BMPER: variants seen among roughly 807,000 people sequenced by gnomAD.
The protein encoded by BMPER is BMP-binding endothelial regulator protein.
Under a neutral mutation model 87.3 loss-of-function variants are expected in BMPER, and 45 were observed. The ratio of observed to expected loss-of-function variants is 0.52; its 90% confidence interval spans 0.41 to 0.66. The LOEUF (loss-of-function observed/expected upper bound fraction) is 0.66. Ranked by LOEUF, BMPER falls within the 30% of genes least tolerant of loss-of-function variation. The probability of loss-of-function intolerance (pLI) is 0.00; values close to 1 mark genes in which losing one functional copy is unlikely to be tolerated. For synonymous variants in BMPER, 326 were observed against 316.2 expected, an observed-to-expected ratio of 1.03 and a Z score of -0.33; for missense variants, 784 against 867.5, an observed-to-expected ratio of 0.90 and a Z score of 1.21.
At chr7:33,990,932 A>G (rs1364080444) in intron 6 of BMPER, among the ~76,000 whole-genome samples, 1 of 121,570 alleles carries the variant, frequency 8.2e-6, no homozygotes, top group African/African-American at 3.2e-5. Flanking sequence ...TGATTTGCAT[A>G]TATTGAACCA....
intron 2 of BMPER, 94 bp from the exon 3 acceptor site, chr7:33,937,195 A>G: frequency 1.5e-6 from 2 of 1,326,600 alleles, no homozygotes; most frequent in East Asian, 2.3e-5. Flanking sequence ...AAGGCCAGAT[A>G]AGAGTGGGGC....
intron 11 of BMPER, among the ~76,000 whole-genome samples, chr7:34,078,590 CA>C: frequency 1.3e-5 from 2 of 152,258 alleles, no homozygotes; most frequent in South Asian, 4.1e-4. Flanking sequence ...ACGTTAAGAT[CA>C]TGGAAGCATA....
At chr7:34,018,625 G>A (rs553344080) in intron 6 of BMPER, among the ~76,000 whole-genome samples, 1 of 151,864 alleles carries the variant, frequency 6.6e-6, no homozygotes, top group Non-Finnish European at 1.5e-5. Context: ...CTTGGTGAAT[G>A]CTTCGAGTTT....
In BMPER at chr7:34,058,082, C is replaced by T; in HGVS notation, c.951C>T (p.Ile317=). 6.2e-7 allele frequency: 1 copy of T among 1,614,098 alleles called. No homozygotes were observed. Among genetic ancestry groups the T allele is most frequent in the Non-Finnish European group, 8.5e-7 (1 of 1,179,992 alleles). Residue 317 remains isoleucine, a synonymous_variant, in exon 10 of 15, where the codon ATC becomes ATT. Transcript: ENST00000649409. ...AGGATGGAGAGATGTGGTCCTCTAT[C>T]AATTGTACCATCTGTGCTTGTGTGA... is the stretch of plus-strand genomic sequence containing the variant. The part of the protein sequence containing the change: ...IFQDGEMWSS[I]NCTICACVKG...
intron 14 of BMPER, among the ~76,000 whole-genome samples, chr7:34,150,695 G>A (rs974917742): frequency 4.0e-4 from 61 of 152,256 alleles, no homozygotes; most frequent in African/African-American, 1.3e-3. Context: ...CTTAAAGGAA[G>A]GGTTATGTCA....
At position 34,155,890 on chromosome 7, in the gene BMPER, G is replaced by A. The variant is rs991526695; in HGVS notation, c.*2617G>A. ...GAATATTGAATTTGATGAGAAACAA[G>A]CACCCTCAATGAAGAACAAGCATAA... is the stretch of plus-strand genomic sequence containing the variant. On this transcript the variant is annotated 3_prime_UTR_variant, in exon 15 of 15. Transcript: ENST00000649409. 6.6e-6 allele frequency: 1 copy of A among 152,158 alleles called. No individual in the cohort carries two copies. Among genetic ancestry groups the A allele is most frequent in the African/African-American group, 2.4e-5 (1 of 41,456 alleles). The allele number at this position is 152,158 out of a possible 1,614,324, so 9.4% of individuals were successfully genotyped here. A position where few individuals can be genotyped will look rare whatever the true frequency, so the allele number is the denominator to read the frequency against.
At chr7:34,065,248 C>T (rs969595823) in intron 11 of BMPER, among the ~76,000 whole-genome samples, 11 of 143,534 alleles carry the variant, frequency 7.7e-5, no homozygotes, top group Non-Finnish European at 1.5e-4. Context: ...CTCTCTCTCT[C>T]CCTCTCTCTC....
At chr7:34,004,509 TA>T (rs1342084383) in intron 6 of BMPER, among the ~76,000 whole-genome samples, 1 of 152,170 alleles carries the variant, frequency 6.6e-6, no homozygotes, top group Non-Finnish European at 1.5e-5. Flanking sequence ...GCATTTATGA[TA>T]ACATAATATA....
chr7:34,033,149 AG>A lies in BMPER; in HGVS notation c.577-13156del, dbSNP rs564385633. The stretch of plus-strand genomic sequence containing the variant: ...AAGGAGGATGGAGACCTTTTGTCTT[AG>A]AGTTTCATTCACAGAGTCCATAAAC... On this transcript the variant is annotated intron_variant, in intron 6 of 14. Coordinates refer to ENST00000649409, the MANE Select transcript of BMPER (RefSeq NM_001365308.1). Among the ~76,000 whole-genome samples the A allele has an allele frequency of 5.3e-3, 812 of 152,314 alleles. 5 individuals carry two copies. Among genetic ancestry groups the A allele is most frequent in the Non-Finnish European group, 8.9e-3 (607 of 68,020 alleles).
At chr7:33,927,427 C>T (rs186519384) in intron 2 of BMPER, among the ~76,000 whole-genome samples, 200 of 152,280 alleles carry the variant, frequency 1.3e-3, no homozygotes, top group Non-Finnish European at 2.3e-3. Context: ...CCAAGGGAAT[C>T]TAAGATATTT....
Position 34,125,345 on chromosome 7 carries a change from AAT to A in BMPER, c.1746-17884_1746-17883del, listed in dbSNP as rs1412471083. Among the ~76,000 whole-genome samples, 6 of 152,192 alleles carry A rather than the reference AAT, an allele frequency of 3.9e-5. No homozygotes were observed. The East Asian group carries it at 9.7e-4, about 25-fold the overall frequency. On this transcript the variant is annotated intron_variant, in intron 13 of 14. Transcript: ENST00000649409. Reference sequence around the variant, plus strand: ...ATTGCTGATCATTTGTCCCCTCCTCAATGAAGTTTTCTCAAATATGCCCTCCC... The same window carrying A: ...ATTGCTGATCATTTGTCCCCTCCTCAGAAGTTTTCTCAAATATGCCCTCCC...
chr7:34,125,411 T>G (rs911105211), intron 13 of BMPER, among the ~76,000 whole-genome samples: 1 of 152,240 alleles, frequency 6.6e-6, no homozygotes, highest in African/African-American at 2.4e-5. Flanking sequence ...TCCTGCTGTC[T>G]TTCAGTATTT....
At chr7:34,072,252 G>A (rs1788754361) in intron 11 of BMPER, among the ~76,000 whole-genome samples, 1 of 152,090 alleles carries the variant, frequency 6.6e-6, no homozygotes. Flanking sequence ...TAGCCACGCT[G>A]GATTGCTAAG....
At chr7:34,018,579 C>T (rs1787099596) in intron 6 of BMPER, among the ~76,000 whole-genome samples, 1 of 151,866 alleles carries the variant, frequency 6.6e-6, no homozygotes, top group Non-Finnish European at 1.5e-5. Context: ...TCGGCTGTGT[C>T]CCATTTTTCA....
chr7:33,971,084 C>CT (rs1319160609), intron 5 of BMPER, among the ~76,000 whole-genome samples: 2 of 152,036 alleles, frequency 1.3e-5, no homozygotes, highest in East Asian at 3.9e-4. Flanking sequence ...CCAATAATCT[C>CT]TGACAGGTGT....
At chr7:33,933,880 A>G (rs1784538219) in intron 2 of BMPER, among the ~76,000 whole-genome samples, 1 of 152,208 alleles carries the variant, frequency 6.6e-6, no homozygotes, top group African/African-American at 2.4e-5. Flanking sequence ...GACCCTGGGC[A>G]AGTTTCCTAA....
At chr7:34,023,684 G>A (rs1013472965) in intron 6 of BMPER, among the ~76,000 whole-genome samples, 18 of 152,062 alleles carry the variant, frequency 1.2e-4, no homozygotes, top group Non-Finnish European at 1.9e-4. Context: ...GAAAGTACAG[G>A]AGTTTCCAGA....
At chr7:33,965,758 T>C (rs1785390029) in intron 3 of BMPER, among the ~76,000 whole-genome samples, 1 of 152,206 alleles carries the variant, frequency 6.6e-6, no homozygotes, top group Non-Finnish European at 1.5e-5. Context: ...ACACTATTGT[T>C]TCTTTGGCCT....
chr7:33,967,835 C>T (rs964752667), intron 4 of BMPER, among the ~76,000 whole-genome samples: 3 of 152,202 alleles, frequency 2.0e-5, no homozygotes, highest in African/African-American at 7.2e-5. Flanking sequence ...ATCACATATC[C>T]TCTGGAGTCT....
Sources: allele counts gnomAD v4.1 joint callset (sites outside exome capture counted in the v4.1 genomes callset), GRCh38; gene constraint gnomAD v4.1.1; transcripts MANE v1.5; gene names NCBI Gene and HGNC (gene_info 2026-07-23, HGNC 2026-07-21).